The following KCNH7 variants were observed in gnomAD, a reference collection of about 807,000 sequenced individuals.
KCNH7 encodes voltage-gated inwardly rectifying potassium channel KCNH7.
A neutral mutation model predicts 120.8 loss-of-function variants in KCNH7; 49 were observed. That is an observed-to-expected ratio of 0.41 (90% confidence interval 0.32 to 0.51). The LOEUF (loss-of-function observed/expected upper bound fraction) is 0.51, where lower values mean the gene tolerates loss of function less well. Among genes scored for constraint, KCNH7 ranks in the 20% least tolerant of loss-of-function variants. The pLI is 0.38. For synonymous variants in KCNH7, 547 were observed against 516.1 expected (o/e 1.06, Z -0.81); for missense variants, 1,097 against 1,446.6 (o/e 0.76, Z 3.92).
At chr2:162,533,387 G>T (rs1691997165) in intron 3 of KCNH7, among the ~76,000 whole-genome samples, 1 of 151,494 alleles carries the variant, frequency 6.6e-6, no homozygotes, top group Non-Finnish European at 1.5e-5. Context: ...TTTCTTATAA[G>T]CAATAAAGAA....
At chr2:162,572,930 G>T (rs991976656) in intron 2 of KCNH7, among the ~76,000 whole-genome samples, 1 of 152,098 alleles carries the variant, frequency 6.6e-6, no homozygotes, top group African/African-American at 2.4e-5. Context: ...ATAGCATTGG[G>T]AGATATACCT....
At chr2:162,745,400 G>A (rs1211132971) in intron 2 of KCNH7, among the ~76,000 whole-genome samples, 1 of 151,614 alleles carries the variant, frequency 6.6e-6, no homozygotes, top group Non-Finnish European at 1.5e-5. Flanking sequence ...TTAAACTAAA[G>A]AACCCGTTAT....
At chr2:162,520,303 A>G (rs1488263445) in intron 3 of KCNH7, among the ~76,000 whole-genome samples, 1 of 150,712 alleles carries the variant, frequency 6.6e-6, no homozygotes. Flanking sequence ...AATTGTATTG[A>G]TTTCACCTCC....
chr2:162,548,490 T>C lies in KCNH7; in HGVS notation c.308-11410A>G, dbSNP rs572875848. Among the ~76,000 whole-genome samples the C allele has an allele frequency of 1.6e-4, 25 of 152,312 alleles. No individual in the cohort carries two copies. The South Asian group carries it at 5.2e-3, about 32-fold the overall frequency. Reference sequence around the variant, plus strand: ...TATTAGGCTTCAGGACCTTGCTTAGTACCTTTTCAAAGTAACAGGGTAATG... The same window carrying C: ...TATTAGGCTTCAGGACCTTGCTTAGCACCTTTTCAAAGTAACAGGGTAATG... On this transcript the variant is annotated intron_variant, in intron 2 of 15. Transcript: ENST00000332142.
At chr2:162,489,453 G>A (rs1159235525) in intron 6 of KCNH7, among the ~76,000 whole-genome samples, 1 of 152,092 alleles carries the variant, frequency 6.6e-6, no homozygotes, top group Non-Finnish European at 1.5e-5. Flanking sequence ...AAGTCATCCT[G>A]ACCCACATGC....
chr2:162,780,802 C>T (rs1477041905), intron 2 of KCNH7, among the ~76,000 whole-genome samples: 1 of 152,026 alleles, frequency 6.6e-6, no homozygotes, highest in Non-Finnish European at 1.5e-5. Context: ...ATTATTTTGA[C>T]TGGTTTCTAA....
chr2:162,835,400 G>A (rs183507754), intron 2 of KCNH7, among the ~76,000 whole-genome samples: 20 of 151,832 alleles, frequency 1.3e-4, no homozygotes, highest in African/African-American at 4.8e-4. Context: ...CAAATGATGA[G>A]TCATTATATG....
Position 162,518,051 on chromosome 2 carries a change from T to C in KCNH7, c.571A>G (p.Ser191Gly). 6.2e-7 allele frequency: 1 copy of C among 1,612,388 alleles called. No individual in the cohort carries two copies. Among genetic ancestry groups the C allele is most frequent in the Non-Finnish European group, 8.5e-7 (1 of 1,178,824 alleles). The change falls in exon 4 of 16, where the codon AGT (serine) becomes GGT (glycine). Residue 191 changes from serine to glycine, a missense_variant. Around this residue, in one of 8 missense-constraint regions of KCNH7, gnomAD observed 362 missense variants for 372.2 expected, o/e 0.97. Transcript: ENST00000332142. ...DVVVIDSSKHSDDSVAMKHFK... is the reference protein window; with the variant it reads ...DVVVIDSSKHGDDSVAMKHFK... ...TGCTTCATGGCTACTGAATCATCAC[T>C]GTGTTTAGATGAATCGATGACCACC... is the stretch of plus-strand genomic sequence containing the variant.
chr2:162,414,629 A>G (rs1379267967), intron 9 of KCNH7, among the ~76,000 whole-genome samples: 2 of 151,982 alleles, frequency 1.3e-5, no homozygotes, highest in Non-Finnish European at 2.9e-5. Context: ...AAATATGTAT[A>G]TATGTCTGTA....
intron 3 of KCNH7, among the ~76,000 whole-genome samples, chr2:162,531,878 ATACT>A (rs1291217014): frequency 6.6e-6 from 1 of 151,950 alleles, no homozygotes; most frequent in African/African-American, 2.4e-5. Context: ...ATTTGGTATT[ATACT>A]TAGGTTTACA....
At chr2:162,734,287 C>CT (rs1363235481) in intron 2 of KCNH7, among the ~76,000 whole-genome samples, 1 of 151,974 alleles carries the variant, frequency 6.6e-6, no homozygotes, top group Non-Finnish European at 1.5e-5. Flanking sequence ...GTGGCTCTCT[C>CT]TTTTTTTATA....
intron 3 of KCNH7, among the ~76,000 whole-genome samples, chr2:162,533,671 T>G (rs537870763): frequency 2.0e-5 from 3 of 151,664 alleles, no homozygotes; most frequent in Non-Finnish European, 4.4e-5. Flanking sequence ...GAAGCAATAT[T>G]CATAAAACAG....
intron 2 of KCNH7, among the ~76,000 whole-genome samples, chr2:162,590,053 G>A (rs1157615200): frequency 6.6e-6 from 1 of 152,064 alleles, no homozygotes; most frequent in African/African-American, 2.4e-5. Flanking sequence ...TTTGTTAAGG[G>A]ACAAAATGCT....
At chr2:162,665,355 T>C (rs1685097946) in intron 2 of KCNH7, among the ~76,000 whole-genome samples, 1 of 152,116 alleles carries the variant, frequency 6.6e-6, no homozygotes, top group Admixed American at 6.5e-5. Context: ...TAGAGGATTT[T>C]GGATTGTCTA....
chr2:162,546,256 C>G (rs1692473098), intron 2 of KCNH7, among the ~76,000 whole-genome samples: 1 of 151,972 alleles, frequency 6.6e-6, no homozygotes, highest in Admixed American at 6.6e-5. Flanking sequence ...TCCAGGCAAA[C>G]CAAGTCTACA....
chr2:162,393,230 T>G (rs1451420828), intron 12 of KCNH7, among the ~76,000 whole-genome samples: 3 of 151,962 alleles, frequency 2.0e-5, no homozygotes, highest in Non-Finnish European at 4.4e-5. Flanking sequence ...GTTTCCAGGG[T>G]GCACCATGAG....
intron 2 of KCNH7, among the ~76,000 whole-genome samples, chr2:162,799,377 C>T (rs1335442105): frequency 6.6e-6 from 1 of 151,840 alleles, no homozygotes; most frequent in Non-Finnish European, 1.5e-5. Flanking sequence ...GAACTGCATA[C>T]ATCTTTGTTA....
chr2:162,511,766 A>G (rs555038997), intron 5 of KCNH7, among the ~76,000 whole-genome samples: 2 of 151,826 alleles, frequency 1.3e-5, no homozygotes, highest in South Asian at 4.1e-4. Context: ...TACCAGTGAC[A>G]TACAGGAGAG....
intron 2 of KCNH7, among the ~76,000 whole-genome samples, chr2:162,610,216 A>G (rs1459168892): frequency 2.0e-5 from 3 of 152,228 alleles, no homozygotes; most frequent in African/African-American, 7.2e-5. Flanking sequence ...ATAGCAATAT[A>G]ACCTGAGAGG....
Sources: gnomAD v4.1 joint callset for allele counts (sites outside exome capture counted in the v4.1 genomes callset) on GRCh38, gnomAD v4.1.1 for gene constraint, gnomAD v4.1.1 regional missense constraint, MANE v1.5 for transcripts, NCBI Gene and HGNC (gene_info 2026-07-23, HGNC 2026-07-21) for gene names.